The following TEX13C variants were observed in gnomAD, a reference collection of about 807,000 sequenced individuals.
The protein encoded by TEX13C is TEX13 family member C.
For missense variants in TEX13C, 480 were observed against 298.7 expected (o/e 1.61, Z -4.47); for synonymous variants, 219 against 116.6 (o/e 1.88, Z -5.65).
At chrX:125,324,774 A>T (rs1008590322) in exon 1 of TEX13C, 6 of 112,411 alleles carry the variant, frequency 5.3e-5, no homozygotes, top group African/African-American at 1.9e-4. Context: ...GAAGAAAAAC[A>T]GTGCTTTGGG....
exon 1 of TEX13C, chrX:125,322,768 A>G (rs1234306028): frequency 5.8e-6 from 3 of 513,567 alleles, no homozygotes; most frequent in Non-Finnish European, 1.0e-5. Context: ...AGAAACATCC[A>G]GTGATTCCCC....
upstream of TEX13C, chrX:125,320,063 C>T (rs770282088): frequency 6.9e-4 from 314 of 453,326 alleles, 2 homozygotes; most frequent in South Asian, 9.6e-3. Context: ...CCGGAAGCGG[C>T]GGCGGCAGCC....
At chrX:125,321,920 C>G (rs1175288744) in exon 1 of TEX13C, 1 of 513,525 alleles carries the variant, frequency 1.9e-6, no homozygotes, top group Non-Finnish European at 3.5e-6. Flanking sequence ...GGAGATGGTC[C>G]CCCTGGGGGA....
At chrX:125,321,126 G>C (rs1269082413) in exon 1 of TEX13C, 6 of 514,460 alleles carry the variant, frequency 1.2e-5, no homozygotes, top group Non-Finnish European at 2.1e-5. Flanking sequence ...AGCAGCCACA[G>C]CCTGAAGAAA....
At chrX:125,321,624 G>A (rs1211672780) in exon 1 of TEX13C, 6 of 510,850 alleles carry the variant, frequency 1.2e-5, no homozygotes, top group Non-Finnish European at 2.1e-5. Context: ...GAAAGCCACA[G>A]CCACAGCCTG....
exon 1 of TEX13C, chrX:125,320,926 C>G (rs764100673): frequency 4.1e-5 from 21 of 515,740 alleles, no homozygotes; most frequent in Non-Finnish European, 7.0e-5. Context: ...CTGCAGGGAT[C>G]TATCCACCTG....
exon 1 of TEX13C, chrX:125,320,297 C>T (rs764105223): frequency 1.9e-6 from 1 of 515,132 alleles, no homozygotes; most frequent in African/African-American, 2.3e-5. Flanking sequence ...CCCGCGGGTG[C>T]CCCGTGCCAT....
exon 1 of TEX13C, chrX:125,322,125 A>G (rs779411767): frequency 5.3e-5 from 26 of 492,808 alleles, no homozygotes; most frequent in South Asian, 2.3e-4. Context: ...AGCAACAGCC[A>G]TAGCCTGAAG....
At chrX:125,320,624 G>A in exon 1 of TEX13C, 3 of 515,707 alleles carry the variant, frequency 5.8e-6, no homozygotes, top group East Asian at 3.6e-5. Context: ...TCCAGAAGCC[G>A]GCCAGTATGG....
exon 1 of TEX13C, chrX:125,321,235 G>C: frequency 3.9e-6 from 2 of 515,248 alleles, no homozygotes; most frequent in Middle Eastern, 3.1e-4. Flanking sequence ...TCCCCCTAGG[G>C]GACAGCAACA....
chrX:125,321,822 T>C (rs1380401413), exon 1 of TEX13C: 11 of 506,928 alleles, frequency 2.2e-5, no homozygotes, highest in Non-Finnish European at 3.9e-5. Flanking sequence ...AGCCACAGCC[T>C]GAAGAAAGAT....
chrX:125,321,288 T>C (rs910713381), exon 1 of TEX13C: 12 of 507,243 alleles, frequency 2.4e-5, no homozygotes, highest in Non-Finnish European at 3.2e-5. Flanking sequence ...AAGGAGATTG[T>C]CCCCATAGGG....
chrX:125,320,894 G>A (rs760750885), exon 1 of TEX13C: 54 of 513,931 alleles, frequency 1.1e-4, no homozygotes, highest in Non-Finnish European at 1.7e-4. Context: ...ATCAGCAGCA[G>A]CAATTGCACC....
chrX:125,325,145 C>T (rs1387436167), exon 1 of TEX13C: 3 of 111,278 alleles, frequency 2.7e-5, no homozygotes, highest in African/African-American at 9.8e-5. Flanking sequence ...GAGATCCCAC[C>T]CAGCTCACCA....
chrX:125,320,060 C>G (rs962524883), upstream of TEX13C: 17 of 453,157 alleles, frequency 3.8e-5, no homozygotes, highest in African/African-American at 2.7e-4. Context: ...GTACCGGAAG[C>G]GGCGGCGGCA....
exon 1 of TEX13C, chrX:125,322,078 T>G (rs1218649215): frequency 4.3e-6 from 2 of 462,995 alleles, no homozygotes; most frequent in Non-Finnish European, 7.5e-6. Flanking sequence ...TGAAGAAAGA[T>G]CCAGTGATGC....
Position 125,320,726 on chromosome X carries a change from C to A in TEX13C, c.607C>A (p.Pro203Thr), listed in dbSNP as rs192356374. 2.6e-4 allele frequency: 134 copies of A among 513,932 alleles called. 1 individual carries two copies. The African/African-American group carries it at 2.7e-3, about 10-fold the overall frequency. The allele number at this position is 513,932 out of a possible 1,213,427, so 42.4% of individuals were successfully genotyped here. A position where few individuals can be genotyped will look rare whatever the true frequency, so the allele number is the denominator to read the frequency against. ...ACATTCGGAAGCCCAGGTAGCAGCCCCAACAGCTGTGTATTACATGCCTGA... is the reference window on the plus strand; with the variant it reads ...ACATTCGGAAGCCCAGGTAGCAGCCACAACAGCTGTGTATTACATGCCTGA... Residue 203 changes from proline (P) to threonine (T), a missense_variant, in exon 1 of 1, where the codon CCA becomes ACA. Physicochemically the swap from Pro to Thr is conservative, Grantham distance 38 (BLOSUM62 -1). Transcript: ENST00000632600.
exon 1 of TEX13C, chrX:125,322,861 T>A (rs1464727773): frequency 1.9e-6 from 1 of 514,595 alleles, no homozygotes; most frequent in East Asian, 3.6e-5. Flanking sequence ...CTCTGGAGGA[T>A]AGCAAGAGCC....
chrX:125,321,321 C>T (rs189499649), exon 1 of TEX13C: 227 of 490,066 alleles, frequency 4.6e-4, no homozygotes, highest in African/African-American at 3.4e-3. Context: ...CACAGCCTGA[C>T]GAAAAATCCA....
Sources: gnomAD v4.1 joint callset for allele counts on GRCh38, gnomAD v4.1.1 for gene constraint, MANE v1.5 for transcripts, NCBI Gene and HGNC (gene_info 2026-07-23, HGNC 2026-07-21) for gene names.